CEP55: variants seen among roughly 807,000 people sequenced by gnomAD.
CEP55 encodes centrosomal protein of 55 kDa.
A neutral mutation model predicts 63.2 loss-of-function variants in CEP55; 57 were observed. That is an observed-to-expected ratio of 0.90 (90% CI 0.73 to 1.13). The LOEUF (loss-of-function observed/expected upper bound fraction) is 1.13, where lower values mean the gene tolerates loss of function less well. Among genes scored for constraint, CEP55 ranks in the 50% most tolerant of loss-of-function variants. The probability of loss-of-function intolerance (pLI) is 0.00; values close to 1 mark genes in which losing one functional copy is unlikely to be tolerated. For synonymous variants in CEP55, 178 were observed against 191.6 expected (o/e 0.93, Z 0.59); for missense variants, 456 against 518.9 (o/e 0.88, Z 1.18).
chr10:93,498,809 C>CTT lies in CEP55; in HGVS notation c.-12-1218_-12-1217dup, dbSNP rs34668405. Among the ~76,000 whole-genome samples, 228 of 143,280 alleles carry CTT rather than the reference C, an allele frequency of 1.6e-3. 2 individuals carry two copies. The highest frequency in any genetic ancestry group is 4.8e-3 in the African/African-American group (186 of 38,888). 94.0% of individuals were successfully genotyped at this position (143,280 alleles called of 152,430 possible). A position where few individuals can be genotyped will look rare whatever the true frequency, so the allele number is the denominator to read the frequency against. On this transcript the variant is annotated intron_variant, in intron 1 of 8. Coordinates refer to ENST00000371485, the MANE Select transcript of CEP55 (RefSeq NM_018131.5). ...AGCCCCATAACATTAGGGAACATGT[C>CTT]TTTTTTTTTTTTTTAAACCAGTTTA...
At chr10:93,527,901 G>T in intron 8 of CEP55, 49 bp from the exon 9 acceptor site, 7 of 1,443,484 alleles carry the variant, frequency 4.8e-6, no homozygotes, top group South Asian at 2.5e-5. Context: ...AAAAAAAGCT[G>T]AACATTGGCC....
intron 3 of CEP55, among the ~76,000 whole-genome samples, chr10:93,506,698 G>T (rs1250002300): frequency 6.6e-6 from 1 of 152,172 alleles, no homozygotes. Flanking sequence ...CTCCCGTGTA[G>T]CTGGGATTAT....
At chr10:93,499,614 C>T (rs571641800) in intron 1 of CEP55, among the ~76,000 whole-genome samples, 8 of 151,254 alleles carry the variant, frequency 5.3e-5, no homozygotes, top group African/African-American at 1.9e-4. Flanking sequence ...CTCCACCTCC[C>T]GGGCTCAAGC....
intron 6 of CEP55, among the ~76,000 whole-genome samples, chr10:93,518,231 C>A (rs902823590): frequency 6.6e-6 from 1 of 152,100 alleles, no homozygotes; most frequent in African/African-American, 2.4e-5. Flanking sequence ...CTCACTGTAA[C>A]CTCCACCTCC....
chr10:93,519,044 T>TTGTGAAAAG lies in CEP55; in HGVS notation c.1065+100_1065+108dup, dbSNP rs1165707634. 1.5e-5 allele frequency: 13 copies of TTGTGAAAAG among 880,982 alleles called. No individual in the cohort carries two copies. The African/African-American group carries it at 2.2e-4, about 15-fold the overall frequency. 54.6% of individuals were successfully genotyped at this position (880,982 alleles called of 1,614,324 possible). Reference sequence around the variant, plus strand: ...TGTTCTATGGAGAACTGTTTGAAAGTTGTGAAAAGTGTCTTTAAAAGACTT... The same window carrying TTGTGAAAAG: ...TGTTCTATGGAGAACTGTTTGAAAGTTGTGAAAAGTGTGAAAAGTGTCTTTAAAAGACTT... On this transcript the variant is annotated intron_variant, in intron 7 of 8. Coordinates refer to ENST00000371485, the MANE Select transcript of CEP55 (RefSeq NM_018131.5).
chr10:93,514,839 C>T (rs143988559), intron 4 of CEP55, among the ~76,000 whole-genome samples: 12,776 of 152,238 alleles, frequency 0.084, 589 homozygotes, highest in Non-Finnish European at 0.1. Context: ...GGGGCATGAT[C>T]TCAGCTCACT....
intron 8 of CEP55, among the ~76,000 whole-genome samples, chr10:93,525,409 A>G (rs891643367): frequency 2.0e-5 from 3 of 152,240 alleles, no homozygotes; most frequent in Non-Finnish European, 2.9e-5. Flanking sequence ...AAGGACAACT[A>G]CAAACCACTG....
At chr10:93,524,643 G>T (rs575221146) in intron 8 of CEP55, among the ~76,000 whole-genome samples, 108 of 152,216 alleles carry the variant, frequency 7.1e-4, no homozygotes, top group Non-Finnish European at 1.0e-3. Flanking sequence ...CAAAAAAAGA[G>T]AATTTTAGAC....
chr10:93,521,126 G>A lies in CEP55; in HGVS notation c.1191+1319G>A, dbSNP rs777991455. ...AGACAGTGGATGCAGCGCACCGAGC[G>A]TGAACCGAAGCAGGGTGAGGCATCG... On this transcript the variant is annotated intron_variant, in intron 8 of 8. Coordinates refer to ENST00000371485, the MANE Select transcript of CEP55 (RefSeq NM_018131.5). 4.6e-5 allele frequency among the ~76,000 whole-genome samples: 7 copies of A among 152,236 alleles called. No individual in the cohort carries two copies. The South Asian group carries it at 8.3e-4, about 18-fold the overall frequency.
chr10:93,505,589 T>TGA (rs981589876), intron 3 of CEP55, among the ~76,000 whole-genome samples: 1 of 152,114 alleles, frequency 6.6e-6, no homozygotes, highest in African/African-American at 2.4e-5. Context: ...AGGACTGAAT[T>TGA]GAGAGAGAGA....
chr10:93,512,054 C>T (rs1390497972), intron 4 of CEP55, among the ~76,000 whole-genome samples: 5 of 150,664 alleles, frequency 3.3e-5, no homozygotes, highest in African/African-American at 9.8e-5. Context: ...CATGGTGATA[C>T]CCCGTCTCTA....
chr10:93,503,277 G>A lies in CEP55; in HGVS notation c.348G>A (p.Gln116=), dbSNP rs1361445627. Residue 116 remains glutamine (Q), a synonymous_variant, in exon 3 of 9, where the codon CAG becomes CAA. Coordinates refer to ENST00000371485, the MANE Select transcript of CEP55 (RefSeq NM_018131.5). ...CGAGAGAAGGAGAAAGGAGGGAGCA[G>A]GTGTTGAAAGCCTTATCTGAAGAGA... ...ETTREGERRE[Q]VLKALSEEKD... The A allele has an allele frequency of 1.2e-6, 2 of 1,614,168 alleles. No homozygotes were observed. Among genetic ancestry groups the A allele is most frequent in the Non-Finnish European group, 1.7e-6 (2 of 1,180,032 alleles).
At chr10:93,511,435 T>A (rs1327805926) in intron 4 of CEP55, among the ~76,000 whole-genome samples, 1 of 152,176 alleles carries the variant, frequency 6.6e-6, no homozygotes, top group Non-Finnish European at 1.5e-5. Context: ...CGTGTATTGA[T>A]ACTGATAGAA....
At chr10:93,524,238 TA>T (rs1370697009) in intron 8 of CEP55, among the ~76,000 whole-genome samples, 1 of 151,900 alleles carries the variant, frequency 6.6e-6, no homozygotes, top group African/African-American at 2.4e-5. Context: ...ATAGACACAA[TA>T]AAAAATGATA....
chr10:93,499,506 T>C (rs531712523), intron 1 of CEP55, among the ~76,000 whole-genome samples: 54 of 150,106 alleles, frequency 3.6e-4, no homozygotes, highest in Admixed American at 1.4e-3. Flanking sequence ...AAAACATAAA[T>C]GTACAAGTTG....
intron 7 of CEP55, 142 bp from the exon 8 acceptor site, chr10:93,519,540 T>C (rs1474566549): frequency 9.9e-7 from 1 of 1,005,400 alleles, no homozygotes; most frequent in East Asian, 2.5e-5. Flanking sequence ...TTTATTAACA[T>C]TTCATGGTGC....
intron 4 of CEP55, among the ~76,000 whole-genome samples, chr10:93,512,902 C>A (rs1179993570): frequency 1.3e-5 from 2 of 152,146 alleles, no homozygotes; most frequent in Non-Finnish European, 2.9e-5. Flanking sequence ...TTATTTTTCC[C>A]AACTTTTATG....
chr10:93,505,291 G>C (rs2057677266), intron 3 of CEP55, among the ~76,000 whole-genome samples: 1 of 152,180 alleles, frequency 6.6e-6, no homozygotes, highest in Non-Finnish European at 1.5e-5. Flanking sequence ...AGGAAGCTTT[G>C]CTCCACAGAG....
chr10:93,497,729 G>GTCA, intron 1 of CEP55, among the ~76,000 whole-genome samples: 1 of 151,662 alleles, frequency 6.6e-6, no homozygotes. Context: ...GGGTGGGGGT[G>GTCA]GGGCAGCTAT....
Sources: gnomAD v4.1 joint callset for allele counts (sites outside exome capture counted in the v4.1 genomes callset) on GRCh38, gnomAD v4.1.1 for gene constraint, MANE v1.5 for transcripts, NCBI Gene and HGNC (gene_info 2026-07-23, HGNC 2026-07-21) for gene names.